Variants in PLCD3 observed in about 807,000 individuals in gnomAD.
PLCD3 encodes the protein phospholipase C delta 3.
A neutral mutation model predicts 82.8 loss-of-function variants in PLCD3; 62 were observed. The observed-to-expected ratio is 0.75, with a 90% confidence interval of 0.61 to 0.93. The LOEUF (loss-of-function observed/expected upper bound fraction) is 0.93. PLCD3 is among the 40% of genes least tolerant of loss of function. The probability of loss-of-function intolerance (pLI) is 0.00; values close to 1 mark genes in which losing one functional copy is unlikely to be tolerated. For synonymous variants in PLCD3, 478 were observed against 471.8 expected (o/e 1.01, Z -0.17); for missense variants, 1,023 against 1,103.4 (o/e 0.93, Z 1.03).
intron 1 of PLCD3, among the ~76,000 whole-genome samples, chr17:45,129,649 A>T (rs1005948368): frequency 3.3e-5 from 5 of 152,202 alleles, no homozygotes; most frequent in African/African-American, 7.2e-5. Context: ...CCTGAGGATT[A>T]AGCAGGATCA....
At chr17:45,113,649 G>C (rs1436134564) in intron 11 of PLCD3, 44 bp from the exon 12 acceptor site, 1 of 1,543,718 alleles carries the variant, frequency 6.5e-7, no homozygotes, top group East Asian at 2.4e-5. Context: ...TAGCGGCCCT[G>C]TTCTCACTAC....
chr17:45,113,466 T>G lies in PLCD3; in HGVS notation c.1968A>C (p.Gly656=). 3 of 1,595,400 alleles carry G rather than the reference T, an allele frequency of 1.9e-6. No homozygotes were observed. The highest frequency in any genetic ancestry group is 2.6e-6 in the Non-Finnish European group (3 of 1,171,202). ...PDSTFDPEYP[G]PPRTTLSIQV... is the part of the protein sequence containing the mutation. ...GGATGCTGAGAGTGGTTCTGGGAGG[T>G]CCTGGGTACTCGGGGTCAAAGGTCG... The change falls in exon 12 of 15, where the codon GGA becomes GGC. Residue 656 remains glycine (G), a synonymous_variant. Coordinates refer to ENST00000619929, the MANE Select transcript of PLCD3 (RefSeq NM_133373.5).
intron 1 of PLCD3, among the ~76,000 whole-genome samples, chr17:45,125,066 C>T (rs568849873): frequency 8.6e-4 from 131 of 151,942 alleles, no homozygotes; most frequent in Non-Finnish European, 1.4e-3. Context: ...GTGGCTCACA[C>T]CTGTAATCCC....
Position 45,132,380 on chromosome 17 carries a change from G to A in PLCD3, c.31C>T (p.Arg11Cys), listed in dbSNP as rs1454257043. 4.1e-6 allele frequency: 5 copies of A among 1,227,300 alleles called. No homozygotes were observed. The highest frequency in any genetic ancestry group is 1.6e-5 in the African/African-American group (1 of 64,116). The allele number at this position is 1,227,300 out of a possible 1,614,324, so 76.0% of individuals were successfully genotyped here. Residue 11 changes from arginine (R) to cysteine (C), a missense_variant, in exon 1 of 15, where the codon CGC becomes TGC. Coordinates refer to ENST00000619929, the MANE Select transcript of PLCD3 (RefSeq NM_133373.5). This position sits in a 1 kb window ranked among gnomAD's most constrained non-coding sequence, Gnocchi z 4.6. ...GCCACCGGGGGCTCCTCGGGCGGGC[G>A]GCGGCAACGCCTCCAGCGGCCGCAC... MLCGRWRRCR[R>C]PPEEPPVAAQ...
In PLCD3 at chr17:45,113,226, T is replaced by C; in HGVS notation, c.2027A>G (p.Asn676Ser). 1.2e-6 allele frequency: 2 copies of C among 1,609,742 alleles called. No homozygotes were observed. The highest frequency in any genetic ancestry group is 1.7e-6 in the Non-Finnish European group (2 of 1,178,216). ...VLTAQQLPKL[N>S]AEKPHSIVDP... The stretch of plus-strand genomic sequence containing the variant: ...CACAATGGAGTGTGGCTTCTCGGCA[T>C]TCAGCTTGGGCAGCTGCTGTGCAGT... The change falls in exon 13 of 15, where the codon AAT becomes AGT. Residue 676 changes from asparagine (N) to serine (S), a missense_variant. Physicochemically the swap from Asn to Ser is conservative, Grantham distance 46 (BLOSUM62 1). Coordinates refer to ENST00000619929, the MANE Select transcript of PLCD3 (RefSeq NM_133373.5).
chr17:45,118,753 C>A lies in PLCD3; in HGVS notation c.913+62G>T. 3 of 1,514,194 alleles carry A rather than the reference C, an allele frequency of 2.0e-6. No homozygotes were observed. Among genetic ancestry groups the A allele is most frequent in the Non-Finnish European group, 2.7e-6 (3 of 1,124,440 alleles). 93.8% of individuals were successfully genotyped at this position (1,514,194 alleles called of 1,614,324 possible). The stretch of plus-strand genomic sequence containing the variant: ...ATGCCCGCGCCAGCCCGCAGCAGAA[C>A]CCGCTTAGCTGGGAACACAGCCCTT... On this transcript the variant is annotated intron_variant, in intron 5 of 14. Coordinates refer to ENST00000619929, the MANE Select transcript of PLCD3 (RefSeq NM_133373.5). The surrounding 1 kb of genome is among the most constrained non-coding windows in gnomAD (Gnocchi z 4.1).
intron 11 of PLCD3, 38 bp from the exon 12 acceptor site, chr17:45,113,643 G>T: frequency 6.5e-7 from 1 of 1,546,474 alleles, no homozygotes; most frequent in Non-Finnish European, 8.7e-7. Context: ...GGCTCTTAGC[G>T]GCCCTGTTCT....
At chr17:45,112,820 C>T in intron 14 of PLCD3, 43 bp downstream of exon 14, 1 of 1,608,226 alleles carries the variant, frequency 6.2e-7, no homozygotes, top group Non-Finnish European at 8.5e-7. Flanking sequence ...GTCTGCAGGA[C>T]CTGGACCCAC....
At chr17:45,117,881 GATT>G in intron 7 of PLCD3, 110 bp downstream of exon 7, 1 of 1,400,426 alleles carries the variant, frequency 7.1e-7, no homozygotes, top group South Asian at 1.3e-5. Context: ...GTGAATGAAT[GATT>G]CTCTGGGCAA....
chr17:45,119,883 C>T (rs533210427), intron 4 of PLCD3, among the ~76,000 whole-genome samples: 40 of 152,360 alleles, frequency 2.6e-4, no homozygotes, highest in Admixed American at 7.2e-4. Flanking sequence ...AGCTGCAGAG[C>T]CCACTCCTGT....
intron 1 of PLCD3, among the ~76,000 whole-genome samples, chr17:45,121,882 A>G (rs1373829093): frequency 6.6e-6 from 1 of 151,694 alleles, no homozygotes; most frequent in South Asian, 2.1e-4. Context: ...CCAGCTACTT[A>G]GGAGGCTGAG....
Position 45,110,727 on chromosome 17 carries a change from C to T in PLCD3, c.*1889G>A, listed in dbSNP as rs1056053218. On this transcript the variant is annotated 3_prime_UTR_variant, in exon 15 of 15. Coordinates refer to ENST00000619929, the MANE Select transcript of PLCD3 (RefSeq NM_133373.5). ...CATCCTGAGGCTGCAGTTTGGCAGC[C>T]TGACCCTCTGACAGCCCTGAGTGCC... 1 of 152,294 alleles carries T rather than the reference C, an allele frequency of 6.6e-6. No homozygotes were observed. The highest frequency in any genetic ancestry group is 2.4e-5 in the African/African-American group (1 of 41,480). The allele number at this position is 152,294 out of a possible 1,614,324, so 9.4% of individuals were successfully genotyped here. A position where few individuals can be genotyped will look rare whatever the true frequency, so the allele number is the denominator to read the frequency against.
rs909852246 is a variant in PLCD3 at position 45,118,501 on chromosome 17, G to T, written c.914-9C>A. 1 of 1,613,724 alleles carries T rather than the reference G, an allele frequency of 6.2e-7. No individual in the cohort carries two copies. The highest frequency in any genetic ancestry group is 8.5e-7 in the Non-Finnish European group (1 of 1,179,820). On this transcript the variant is annotated splice_polypyrimidine_tract_variant and intron_variant, in intron 5 of 14. Coordinates refer to ENST00000619929, the MANE Select transcript of PLCD3 (RefSeq NM_133373.5). The surrounding 1 kb of genome is among the most constrained non-coding windows in gnomAD (Gnocchi z 4.1). Reference sequence around the variant, plus strand: ...CAGCTCATGCTGCTTGGCTGCAGGGGTGGCAGGAGAGGGCATCAGGCCACA... The same window carrying T: ...CAGCTCATGCTGCTTGGCTGCAGGGTTGGCAGGAGAGGGCATCAGGCCACA...
chr17:45,120,916 G>A lies in PLCD3; in HGVS notation c.540C>T (p.Arg180=). 6.9e-7 allele frequency: 1 copy of A among 1,442,072 alleles called. No homozygotes were observed. Among genetic ancestry groups the A allele is most frequent in the Non-Finnish European group, 9.1e-7 (1 of 1,104,252 alleles). The allele number at this position is 1,442,072 out of a possible 1,614,324, so 89.3% of individuals were successfully genotyped here. A position where few individuals can be genotyped will look rare whatever the true frequency, so the allele number is the denominator to read the frequency against. ...LRARLDAMSQ[R]ERLDHWIHSY... is the part of the protein sequence containing the mutation. ...CGGCAGGATATTGGTCTAGCCGCTCGCGCTGGCTCATGGCGTCCAGGCGCG... is the reference window on the plus strand; with the variant it reads ...CGGCAGGATATTGGTCTAGCCGCTCACGCTGGCTCATGGCGTCCAGGCGCG... Residue 180 remains arginine, a synonymous_variant, in exon 3 of 15, where the codon CGC becomes CGT. Transcript: ENST00000619929.
rs1415907512 is a variant in PLCD3 at position 45,109,361 on chromosome 17, GCTC to G, written c.*3252_*3254del. 1.3e-5 allele frequency: 2 copies of G among 152,372 alleles called. No homozygotes were observed. The highest frequency in any genetic ancestry group is 2.9e-5 in the Non-Finnish European group (2 of 68,156). The allele number at this position is 152,372 out of a possible 1,614,324, so 9.4% of individuals were successfully genotyped here. A position where few individuals can be genotyped will look rare whatever the true frequency, so the allele number is the denominator to read the frequency against. ...GCCCCCTTGGTCCAGGTCAGCAGTG[GCTC>G]CTCTGGTGGAGGTGCAGGCCCCGTG... On this transcript the variant is annotated 3_prime_UTR_variant, in exon 15 of 15. Coordinates refer to ENST00000619929, the MANE Select transcript of PLCD3 (RefSeq NM_133373.5).
intron 10 of PLCD3, 141 bp from the exon 11 acceptor site, chr17:45,114,507 G>A (rs1416315949): frequency 3.3e-6 from 2 of 612,572 alleles, no homozygotes; most frequent in Non-Finnish European, 2.7e-6. Context: ...CTGACCTAGA[G>A]TGAGAGGGGA....
intron 8 of PLCD3, among the ~76,000 whole-genome samples, chr17:45,115,874 T>C (rs1036252314): frequency 2.0e-5 from 3 of 152,212 alleles, no homozygotes. Flanking sequence ...ACACAGGTAA[T>C]GTGTGTGGGG....
chr17:45,118,319 C>A lies in PLCD3; in HGVS notation c.1087G>T (p.Gly363Trp), dbSNP rs1230490399. 6.2e-7 allele frequency: 1 copy of A among 1,614,036 alleles called. No homozygotes were observed. The highest frequency in any genetic ancestry group is 8.5e-7 in the Non-Finnish European group (1 of 1,179,902). ...ACATAGGCCTCGGTGCTGCTGGGCCCCCCGATCTGGGAGTCAGTCAGATAG... is the reference window on the plus strand; with the variant it reads ...ACATAGGCCTCGGTGCTGCTGGGCCACCCGATCTGGGAGTCAGTCAGATAG... The part of the protein sequence containing the change: ...NTYLTDSQIG[G>W]PSSTEAYVRA... Residue 363 changes from glycine to tryptophan, a missense_variant, in exon 6 of 15, where the codon GGG becomes TGG. Around this residue, in one of 3 missense-constraint regions of PLCD3, gnomAD observed 553 missense variants for 655.7 expected, o/e 0.84. Transcript: ENST00000619929. The surrounding 1 kb of genome is among the most constrained non-coding windows in gnomAD (Gnocchi z 4.1).
rs1192124231 is a variant in PLCD3 at position 45,132,069 on chromosome 17, G to T, written c.163+179C>A. ...CACCCTGGGCGCCCGGCTCGCCCCG[G>T]GACCCTCGGATGACCCCAGGTGCGA... On this transcript the variant is annotated intron_variant, in intron 1 of 14. Transcript: ENST00000619929. This position sits in a 1 kb window ranked among gnomAD's most constrained non-coding sequence, Gnocchi z 4.6. Among the ~76,000 whole-genome samples, 3 of 152,280 alleles carry T rather than the reference G, an allele frequency of 2.0e-5. No homozygotes were observed. The highest frequency in any genetic ancestry group is 3.9e-4 in the East Asian group (2 of 5,176).
Sources: allele counts gnomAD v4.1 joint callset (sites outside exome capture counted in the v4.1 genomes callset), GRCh38; gene constraint gnomAD v4.1.1; regional missense constraint gnomAD v4.1.1; non-coding constraint Gnocchi (gnomAD v3.1); transcripts MANE v1.5; gene names NCBI Gene and HGNC (gene_info 2026-07-23, HGNC 2026-07-21).